OMA1: variants seen among roughly 807,000 people sequenced by gnomAD.
OMA1 encodes OMA1 zinc metallopeptidase, also known as metalloendopeptidase OMA1, mitochondrial.
In OMA1, 38 loss-of-function variants were observed where a neutral mutation model predicts 30.9. The observed-to-expected ratio is 1.23, with a 90% CI of 0.95 to 1.61. OMA1 has a LOEUF of 1.61. OMA1 is among the 40% of genes most tolerant of loss of function. The pLI, the probability that OMA1 is intolerant of heterozygous loss-of-function variation, is 0.00. For missense variants in OMA1, 461 were observed against 349.2 expected (o/e 1.32, Z -2.55); for synonymous variants, 173 against 121.9 (o/e 1.42, Z -2.76).
chr1:58,509,531 T>C (rs1016694721), intron 7 of OMA1, among the ~76,000 whole-genome samples: 15 of 127,960 alleles, frequency 1.2e-4, no homozygotes, highest in Non-Finnish European at 1.7e-4. Context: ...GATAAACACC[T>C]ACATTAAAAA....
In OMA1 at chr1:58,492,081, A is replaced by G. The variant is rs551154741; in HGVS notation, c.1366-10907T>C. Among the ~76,000 whole-genome samples the G allele has an allele frequency of 2.6e-5, 4 of 152,364 alleles. No individual in the cohort carries two copies. In the East Asian group the frequency reaches 7.7e-4, roughly 29 times the overall value. ...CAAACTGTCTCTCAGACCACAGTGC[A>G]ATCAAACTAGAACTCAGGATTAAGA... On this transcript the variant is annotated intron_variant, in intron 8 of 8. Transcript: ENST00000371226.
At chr1:58,484,027 C>T (rs1645533453) in intron 8 of OMA1, among the ~76,000 whole-genome samples, 1 of 152,268 alleles carries the variant, frequency 6.6e-6, no homozygotes, top group African/African-American at 2.4e-5. Flanking sequence ...AATAGGATGC[C>T]ATCCCCTAAG....
intron 2 of OMA1, among the ~76,000 whole-genome samples, chr1:58,537,408 T>C (rs1646534837): frequency 6.6e-6 from 1 of 152,150 alleles, no homozygotes; most frequent in South Asian, 2.1e-4. Context: ...TAAATAGTGC[T>C]CAGTAGCAGA....
intron 6 of OMA1, 146 bp downstream of exon 6, chr1:58,530,455 A>T (rs867911861): frequency 1.9e-6 from 1 of 528,694 alleles, no homozygotes; most frequent in Middle Eastern, 3.3e-4. Context: ...ATATCCCCTA[A>T]AAACGAGAAA....
intron 8 of OMA1, among the ~76,000 whole-genome samples, chr1:58,490,517 T>G (rs1321085759): frequency 6.6e-6 from 1 of 152,196 alleles, no homozygotes; most frequent in African/African-American, 2.4e-5. Flanking sequence ...GAAAACACTC[T>G]GCAGGATATT....
intron 8 of OMA1, among the ~76,000 whole-genome samples, chr1:58,497,448 A>G (rs1645822143): frequency 6.6e-6 from 1 of 152,170 alleles, no homozygotes; most frequent in Non-Finnish European, 1.5e-5. Context: ...AAATGATACT[A>G]CTTTCTGAAA....
intron 2 of OMA1, 140 bp from the exon 3 acceptor site, chr1:58,536,881 A>G (rs1646526601): frequency 1.7e-6 from 1 of 575,442 alleles, no homozygotes; most frequent in South Asian, 2.3e-5. Context: ...CGCTTTTCCA[A>G]TTAATAAAAT....
At position 58,502,391 on chromosome 1, in the gene OMA1, G is replaced by A. The variant is rs182770382; in HGVS notation, c.1365+3669C>T. On this transcript the variant is annotated intron_variant, in intron 8 of 8. Coordinates refer to ENST00000371226, the MANE Select transcript of OMA1 (RefSeq NM_145243.5). ...ATCTTTTTCTCTAATCACTTCCTAC[G>A]TGAACTCATCCATTCTCATTGCTTC... Among the ~76,000 whole-genome samples, 16 of 152,190 alleles carry A rather than the reference G, an allele frequency of 1.1e-4. No homozygotes were observed. In the East Asian group the frequency reaches 2.7e-3, roughly 26 times the overall value.
chr1:58,535,069 A>C (rs1368167921), intron 3 of OMA1, among the ~76,000 whole-genome samples: 1 of 152,234 alleles, frequency 6.6e-6, no homozygotes, highest in Non-Finnish European at 1.5e-5. Context: ...TAAACTACCA[A>C]AATAGACATT....
Position 58,539,317 on chromosome 1 carries a change from CA to C in OMA1, c.-16-8del, listed in dbSNP as rs753291283. 501 of 624,674 alleles carry C rather than the reference CA, an allele frequency of 8.0e-4. No individual in the cohort carries two copies. The highest frequency in any genetic ancestry group is 1.2e-3 in the South Asian group (57 of 46,674). The allele number at this position is 624,674 out of a possible 1,614,324, so 38.7% of individuals were successfully genotyped here. A position where few individuals can be genotyped will look rare whatever the true frequency, so the allele number is the denominator to read the frequency against. ...CATTTTTTCACTTGACTACCTGAAA[CA>C]AAAAAAAAACTATAAATATCTGTGG... On this transcript the variant is annotated splice_region_variant and splice_polypyrimidine_tract_variant and intron_variant, in intron 1 of 8. Coordinates refer to ENST00000371226, the MANE Select transcript of OMA1 (RefSeq NM_145243.5).
Position 58,480,766 on chromosome 1 carries a change from A to G in OMA1, c.*199T>C, listed in dbSNP as rs564917975. 4.4e-4 allele frequency: 185 copies of G among 422,894 alleles called. No homozygotes were observed. Among genetic ancestry groups the G allele is most frequent in the Non-Finnish European group, 6.2e-4 (151 of 243,504 alleles). 26.2% of individuals were successfully genotyped at this position (422,894 alleles called of 1,614,324 possible). On this transcript the variant is annotated 3_prime_UTR_variant, in exon 9 of 9. Coordinates refer to ENST00000371226, the MANE Select transcript of OMA1 (RefSeq NM_145243.5). ...TTCTGTGACATTTTCCTCATTGAAG[A>G]TATTTTAACATAGATTAAAATACAT...
chr1:58,533,660 T>A (rs971929660), intron 5 of OMA1, among the ~76,000 whole-genome samples: 4 of 152,144 alleles, frequency 2.6e-5, no homozygotes, highest in African/African-American at 9.7e-5. Flanking sequence ...TATAGAAAGT[T>A]TAAAATTTAA....
At chr1:58,545,276 A>T (rs10789067) in intron 1 of OMA1, among the ~76,000 whole-genome samples, 1 of 152,064 alleles carries the variant, frequency 6.6e-6, no homozygotes, top group Non-Finnish European at 1.5e-5. Flanking sequence ...CTTGTGTAAA[A>T]ATTTTAAAAG....
intron 7 of OMA1, among the ~76,000 whole-genome samples, chr1:58,507,651 A>G (rs10789063): frequency 0.31 from 47,197 of 151,818 alleles, 7,772 homozygotes; most frequent in African/African-American, 0.42. Context: ...ATTCATGTTT[A>G]TACACATATA....
At chr1:58,544,874 C>G (rs1278650369) in intron 1 of OMA1, among the ~76,000 whole-genome samples, 1 of 152,152 alleles carries the variant, frequency 6.6e-6, no homozygotes, top group African/African-American at 2.4e-5. Context: ...GATTATAGGC[C>G]TGAGCCACCG....
chr1:58,510,187 T>C (rs918308967), intron 7 of OMA1, among the ~76,000 whole-genome samples: 7 of 151,790 alleles, frequency 4.6e-5, no homozygotes, highest in Non-Finnish European at 8.8e-5. Context: ...CAAAAAAAAA[T>C]TACGGGCCAA....
intron 5 of OMA1, 52 bp downstream of exon 5, chr1:58,533,901 G>T: frequency 1.2e-6 from 1 of 838,608 alleles, no homozygotes; most frequent in Non-Finnish European, 2.1e-6. Context: ...GATTTAACTT[G>T]TTAACTTCAA....
chr1:58,482,841 G>A (rs532757920), intron 8 of OMA1, among the ~76,000 whole-genome samples: 2 of 152,250 alleles, frequency 1.3e-5, no homozygotes, highest in South Asian at 2.1e-4. Flanking sequence ...AGTGGAGCAG[G>A]GTGGAGGGCA....
intron 8 of OMA1, among the ~76,000 whole-genome samples, chr1:58,489,791 C>T (rs537038883): frequency 4.6e-5 from 7 of 152,194 alleles, no homozygotes; most frequent in South Asian, 2.1e-4. Context: ...CACCAATATC[C>T]GCTGTTCTGC....
Sources: allele counts gnomAD v4.1 joint callset (sites outside exome capture counted in the v4.1 genomes callset), GRCh38; gene constraint gnomAD v4.1.1; transcripts MANE v1.5; gene names NCBI Gene and HGNC (gene_info 2026-07-23, HGNC 2026-07-21).